The following HGD variants were observed in gnomAD, a reference collection of about 807,000 sequenced individuals.
The protein encoded by HGD is homogentisate 1,2-dioxygenase.
A neutral mutation model predicts 60.8 loss-of-function variants in HGD; 61 were observed. The ratio of observed to expected loss-of-function variants is 1.00; its 90% CI spans 0.82 to 1.24. The LOEUF (loss-of-function observed/expected upper bound fraction) is 1.24. HGD is among the 50% of genes most tolerant of loss of function. The pLI is 0.00. For missense variants in HGD, 542 were observed against 547.1 expected (o/e 0.99, Z 0.09); for synonymous variants, 212 against 187.7 (o/e 1.13, Z -1.06).
intron 4 of HGD, among the ~76,000 whole-genome samples, chr3:120,669,449 A>ACACACACG (rs1372745673): frequency 3.8e-5 from 2 of 51,952 alleles, no homozygotes; most frequent in Admixed American, 3.7e-4. Flanking sequence ...GCGCATGTGC[A>ACACACACG]CACACACACA....
chr3:120,659,408 G>T (rs2551588), intron 4 of HGD, among the ~76,000 whole-genome samples: 4 of 152,166 alleles, frequency 2.6e-5, no homozygotes, highest in African/African-American at 9.7e-5. Flanking sequence ...CAAGTTCAGA[G>T]TTCCACAGAT....
chr3:120,635,550 T>C (rs888970583), intron 12 of HGD, among the ~76,000 whole-genome samples: 27 of 150,784 alleles, frequency 1.8e-4, no homozygotes, highest in Non-Finnish European at 2.4e-4. Context: ...GCAATATTTC[T>C]ATAGAAATAA....
chr3:120,664,949 A>G (rs1396925336), intron 4 of HGD, among the ~76,000 whole-genome samples: 2 of 152,252 alleles, frequency 1.3e-5, no homozygotes, highest in Non-Finnish European at 2.9e-5. Context: ...TAAAGAGGGT[A>G]TAAATATTTT....
At chr3:120,669,733 G>A (rs533831277) in intron 4 of HGD, among the ~76,000 whole-genome samples, 6 of 152,070 alleles carry the variant, frequency 3.9e-5, no homozygotes, top group Admixed American at 6.5e-5. Flanking sequence ...TCCATAAATC[G>A]TCTTCTACTA....
In HGD at chr3:120,628,536, G is replaced by A. The variant is rs1421462990; in HGVS notation, c.1189-7C>T. The stretch of plus-strand genomic sequence containing the variant: ...ATGATTCAAACATAAATGCCTGGAG[G>A]AAGTGACGATGGGGATGAGAAAAAA... On this transcript the variant is annotated splice_polypyrimidine_tract_variant and splice_region_variant and intron_variant, in intron 13 of 13. Coordinates refer to ENST00000283871, the MANE Select transcript of HGD (RefSeq NM_000187.4). The A allele has an allele frequency of 4.3e-6, 7 of 1,613,838 alleles. No homozygotes were observed. The highest frequency in any genetic ancestry group is 1.7e-5 in the Admixed American group (1 of 59,990).
intron 4 of HGD, among the ~76,000 whole-genome samples, chr3:120,666,701 C>T (rs1225578085): frequency 6.6e-6 from 1 of 151,968 alleles, no homozygotes; most frequent in Non-Finnish European, 1.5e-5. Context: ...AAGCTGTTCT[C>T]GATCTCCTGA....
intron 6 of HGD, among the ~76,000 whole-genome samples, chr3:120,649,978 G>T (rs771299243): frequency 6.6e-6 from 1 of 152,088 alleles, no homozygotes; most frequent in African/African-American, 2.4e-5. Flanking sequence ...GAAAAAAAAC[G>T]TGGGAAACAA....
chr3:120,673,447 T>C (rs1287448046), intron 3 of HGD, among the ~76,000 whole-genome samples: 2 of 152,118 alleles, frequency 1.3e-5, no homozygotes, highest in Admixed American at 6.5e-5. Context: ...AGAGGACAGG[T>C]TGTCATAAAT....
chr3:120,669,020 C>T (rs770870451), intron 4 of HGD, among the ~76,000 whole-genome samples: 9 of 152,138 alleles, frequency 5.9e-5, no homozygotes, highest in East Asian at 5.8e-4. Context: ...AAGCAGAGTA[C>T]GTAAGTAATA....
chr3:120,643,732 G>C (rs979714790), intron 10 of HGD, among the ~76,000 whole-genome samples: 1 of 152,038 alleles, frequency 6.6e-6, no homozygotes, highest in African/African-American at 2.4e-5. Context: ...TATATATTCA[G>C]TACATTTAGT....
At chr3:120,677,442 A>C (rs188478103) in intron 1 of HGD, among the ~76,000 whole-genome samples, 3 of 152,250 alleles carry the variant, frequency 2.0e-5, no homozygotes, top group African/African-American at 7.2e-5. Flanking sequence ...TATGGTCGAG[A>C]CTGCAGGGGT....
chr3:120,628,649 G>GTTAT, intron 13 of HGD, 120 bp from the exon 14 acceptor site: 5 of 1,177,978 alleles, frequency 4.2e-6, no homozygotes, highest in South Asian at 1.3e-5. Flanking sequence ...TCAAAGATTT[G>GTTAT]TGTGCTAGAG....
In HGD at chr3:120,669,260, T is replaced by C. The variant is rs535918512; in HGVS notation, c.282+1167A>G. On this transcript the variant is annotated intron_variant, in intron 4 of 13. Transcript: ENST00000283871. ...TTCTATATTTTGTGGTAAGTTTAGA[T>C]TAAAAACAAAAAAAAAACCATGAGC... 2.2e-4 allele frequency among the ~76,000 whole-genome samples: 33 copies of C among 149,490 alleles called. No individual in the cohort carries two copies. The South Asian group carries it at 5.4e-3, about 25-fold the overall frequency.
rs1399212408 is a variant in HGD at position 120,644,250 on chromosome 3, G to A, written c.774+69C>T. 11 of 1,585,076 alleles carry A rather than the reference G, an allele frequency of 6.9e-6. No homozygotes were observed. In the East Asian group the frequency reaches 1.1e-4, roughly 16 times the overall value. ...GATATATGTAAAGTTTGTAACACTCGCCTTGGCAATCAGTAAGTGCTCAAT... is the reference window on the plus strand; with the variant it reads ...GATATATGTAAAGTTTGTAACACTCACCTTGGCAATCAGTAAGTGCTCAAT... On this transcript the variant is annotated intron_variant, in intron 10 of 13. Coordinates refer to ENST00000283871, the MANE Select transcript of HGD (RefSeq NM_000187.4).
intron 4 of HGD, among the ~76,000 whole-genome samples, chr3:120,669,623 T>G (rs1707981446): frequency 6.6e-6 from 1 of 152,200 alleles, no homozygotes. Context: ...GGTGACACAC[T>G]ATTAAAACTG....
chr3:120,678,187 G>C (rs1455793226), intron 1 of HGD, among the ~76,000 whole-genome samples: 1 of 152,216 alleles, frequency 6.6e-6, no homozygotes, highest in Non-Finnish European at 1.5e-5. Context: ...AAATGGCAGA[G>C]ACCATCCAAC....
chr3:120,642,887 C>G lies in HGD; in HGVS notation c.775-1194G>C, dbSNP rs148407595. Among the ~76,000 whole-genome samples, 171 of 152,272 alleles carry G rather than the reference C, an allele frequency of 1.1e-3. 1 individual carries two copies. Among genetic ancestry groups the G allele is most frequent in the African/African-American group, 3.9e-3 (162 of 41,568 alleles). On this transcript the variant is annotated intron_variant, in intron 10 of 13. Coordinates refer to ENST00000283871, the MANE Select transcript of HGD (RefSeq NM_000187.4). ...GGGTGATACAGTCAACCTTCCAGGG[C>G]ACAGATCATGGCAAAGAGGGAGAAT...
At chr3:120,670,719 CCTCTT>C (rs1708008356) in intron 3 of HGD, among the ~76,000 whole-genome samples, 187 bp from the exon 4 acceptor site, 1 of 152,168 alleles carries the variant, frequency 6.6e-6, no homozygotes, top group South Asian at 2.1e-4. Context: ...ACAGCCCTGG[CCTCTT>C]CTCACTTTTT....
intron 5 of HGD, 113 bp from the exon 6 acceptor site, chr3:120,650,978 G>C: frequency 1.2e-6 from 1 of 825,878 alleles, no homozygotes; most frequent in Non-Finnish European, 2.1e-6. Flanking sequence ...TCTTCCCTTT[G>C]GGACCGGTGG....
Sources: allele counts gnomAD v4.1 joint callset (sites outside exome capture counted in the v4.1 genomes callset), GRCh38; gene constraint gnomAD v4.1.1; transcripts MANE v1.5; gene names NCBI Gene and HGNC (gene_info 2026-07-23, HGNC 2026-07-21).